Variants in EXOC6 observed in about 807,000 individuals in gnomAD.
EXOC6 encodes exocyst complex component 6, also known as SEC15-like 1.
Under a neutral mutation model 112.5 loss-of-function variants are expected in EXOC6, and 60 were observed. The observed-to-expected ratio is 0.53, with a 90% CI of 0.43 to 0.66. The LOEUF is 0.66. EXOC6 is among the 30% of genes least tolerant of loss of function. The probability of loss-of-function intolerance (pLI) is 0.00; values close to 1 mark genes in which losing one functional copy is unlikely to be tolerated. For missense variants in EXOC6, 855 were observed against 957.1 expected (o/e 0.89, Z 1.41); for synonymous variants, 295 against 308.0 (o/e 0.96, Z 0.44).
chr10:93,037,422 A>G (rs1404581943), intron 20 of EXOC6, among the ~76,000 whole-genome samples: 1 of 149,562 alleles, frequency 6.7e-6, no homozygotes, highest in Admixed American at 6.7e-5. Flanking sequence ...TAGGGCCACT[A>G]CATCCAGCCC....
intron 18 of EXOC6, among the ~76,000 whole-genome samples, chr10:92,987,334 G>GT (rs1160546557): frequency 3.3e-5 from 5 of 152,170 alleles, no homozygotes; most frequent in African/African-American, 1.2e-4. Context: ...AAAGCTCTTG[G>GT]TTTTTTAATT....
chr10:92,977,024 A>G (rs1367488719), intron 18 of EXOC6, among the ~76,000 whole-genome samples: 1 of 152,214 alleles, frequency 6.6e-6, no homozygotes, highest in Non-Finnish European at 1.5e-5. Context: ...ATAGGAAGAA[A>G]TTTTATCAAC....
intron 6 of EXOC6, among the ~76,000 whole-genome samples, chr10:92,912,177 T>G (rs576656345): frequency 2.5e-4 from 38 of 152,016 alleles, no homozygotes; most frequent in African/African-American, 8.2e-4. Context: ...GGACTTGTTA[T>G]GTATTAATTT....
Position 92,910,860 on chromosome 10 carries a change from C to T in EXOC6, c.663+1229C>T, listed in dbSNP as rs780873133. Among the ~76,000 whole-genome samples the T allele has an allele frequency of 3.9e-5, 6 of 152,198 alleles. No individual in the cohort carries two copies. The South Asian group carries it at 6.2e-4, about 16-fold the overall frequency. ...AGGAGAATGGCGTGAACCCAGGAAG[C>T]GGAGCTTGTAGCGAGCCAAGATCGC... is the stretch of plus-strand genomic sequence containing the variant. On this transcript the variant is annotated intron_variant, in intron 6 of 21. Coordinates refer to ENST00000260762, the MANE Select transcript of EXOC6 (RefSeq NM_019053.6).
Position 92,961,289 on chromosome 10 carries a change from T to A in EXOC6, c.1773+5575T>A, listed in dbSNP as rs12249066. Among the ~76,000 whole-genome samples, 1,197 of 152,308 alleles carry A rather than the reference T, an allele frequency of 7.9e-3. 20 individuals are homozygous for A. Among genetic ancestry groups the A allele is most frequent in the African/African-American group, 0.028 (1,152 of 41,572 alleles). On this transcript the variant is annotated intron_variant, in intron 17 of 21. Coordinates refer to ENST00000260762, the MANE Select transcript of EXOC6 (RefSeq NM_019053.6). ...CCTTTGTAAAATTCATTTTATTGTG[T>A]ATGCAATTTGATTGCCATTTTAAAA...
At chr10:92,925,201 A>G (rs1851648492) in intron 8 of EXOC6, among the ~76,000 whole-genome samples, 1 of 152,226 alleles carries the variant, frequency 6.6e-6, no homozygotes, top group Admixed American at 6.5e-5. Context: ...AGAATAAGTA[A>G]TGAGAAACTG....
chr10:92,948,986 G>A (rs1853223331), intron 14 of EXOC6, among the ~76,000 whole-genome samples: 1 of 152,200 alleles, frequency 6.6e-6, no homozygotes. Context: ...GAGATTCTCA[G>A]AATGCACATG....
At chr10:92,872,466 TA>T (rs1410368682) in intron 1 of EXOC6, among the ~76,000 whole-genome samples, 10 of 152,106 alleles carry the variant, frequency 6.6e-5, no homozygotes, top group African/African-American at 2.2e-4. Flanking sequence ...TATGGTTTTT[TA>T]TTAGGCTTCA....
At chr10:93,037,729 C>T (rs1471843242) in intron 20 of EXOC6, among the ~76,000 whole-genome samples, 2 of 151,292 alleles carry the variant, frequency 1.3e-5, no homozygotes, top group South Asian at 2.1e-4. Context: ...TGTGAGCCAC[C>T]GCACCTGGCT....
intron 1 of EXOC6, among the ~76,000 whole-genome samples, chr10:92,866,842 T>G (rs1397698987): frequency 6.6e-6 from 1 of 152,174 alleles, no homozygotes; most frequent in Non-Finnish European, 1.5e-5. Context: ...CCATAAGAAT[T>G]TTTCTTAAGT....
chr10:92,847,519 G>T (rs1394815781), upstream of EXOC6, among the ~76,000 whole-genome samples: 1 of 152,192 alleles, frequency 6.6e-6, no homozygotes, highest in Non-Finnish European at 1.5e-5. Flanking sequence ...TCAAAGGGAA[G>T]CTTTTCAAAG....
chr10:92,919,843 G>A (rs1260761069), intron 7 of EXOC6, 139 bp from the exon 8 acceptor site: 14 of 536,022 alleles, frequency 2.6e-5, no homozygotes, highest in Non-Finnish European at 4.5e-5. Flanking sequence ...CGTTTATAGT[G>A]TATGCTTTCT....
intron 19 of EXOC6, among the ~76,000 whole-genome samples, chr10:93,002,144 C>G (rs1843785474): frequency 6.6e-6 from 1 of 152,066 alleles, no homozygotes; most frequent in South Asian, 2.1e-4. Flanking sequence ...TCCTCCCCCC[C>G]TTTTTTGGTG....
chr10:92,952,469 C>T, intron 15 of EXOC6, 87 bp downstream of exon 15: 1 of 844,896 alleles, frequency 1.2e-6, no homozygotes, highest in African/African-American at 1.7e-5. Context: ...TTTTTTTCCT[C>T]AACTTTTATT....
intron 1 of EXOC6, among the ~76,000 whole-genome samples, chr10:92,856,984 C>G (rs1276738406): frequency 2.0e-5 from 3 of 152,094 alleles, no homozygotes; most frequent in Admixed American, 1.3e-4. Flanking sequence ...TTTCTGTTTA[C>G]TTTTAAATAT....
chr10:93,015,021 G>C (rs1437243208), intron 20 of EXOC6, among the ~76,000 whole-genome samples: 1 of 151,942 alleles, frequency 6.6e-6, no homozygotes, highest in Non-Finnish European at 1.5e-5. Context: ...AGTAGGAAAG[G>C]AGGATCCAAG....
At chr10:93,031,510 C>CTTTTTTTTTTTTTTTTTTTTTT (rs778524287) in intron 20 of EXOC6, among the ~76,000 whole-genome samples, 2 of 130,452 alleles carry the variant, frequency 1.5e-5, no homozygotes, top group East Asian at 2.3e-4. Flanking sequence ...TTCTTTCTTT[C>CTTTTTTTTTTTTTTTTTTTTTT]TTTTTTTTTT....
At chr10:92,968,438 A>T (rs933987730) in intron 17 of EXOC6, among the ~76,000 whole-genome samples, 1 of 152,132 alleles carries the variant, frequency 6.6e-6, no homozygotes, top group East Asian at 1.9e-4. Flanking sequence ...CTCCTGCCTC[A>T]GCCTCCCAAA....
At chr10:92,899,034 A>G (rs1365686446) in intron 4 of EXOC6, among the ~76,000 whole-genome samples, 1 of 152,224 alleles carries the variant, frequency 6.6e-6, no homozygotes, top group Non-Finnish European at 1.5e-5. Flanking sequence ...GAAAGGATGA[A>G]ATGAATAAAG....
Sources: gnomAD v4.1 joint callset for allele counts (sites outside exome capture counted in the v4.1 genomes callset) on GRCh38, gnomAD v4.1.1 for gene constraint, MANE v1.5 for transcripts, NCBI Gene and HGNC (gene_info 2026-07-23, HGNC 2026-07-21) for gene names.